The following FGF14 variants were observed in gnomAD, a reference collection of about 807,000 sequenced individuals.
The protein encoded by FGF14 is fibroblast growth factor homologous factor 4.
In FGF14, 5 loss-of-function variants were observed where a neutral mutation model predicts 25.5. The observed-to-expected ratio is 0.20, with a 90% CI of 0.10 to 0.41. The LOEUF (loss-of-function observed/expected upper bound fraction) is 0.41, where lower values mean the gene tolerates loss of function less well. FGF14 is among the 10% of genes least tolerant of loss of function. FGF14 has a pLI of 1.00. For synonymous variants in FGF14, 138 were observed against 118.3 expected (o/e 1.17, Z -1.08); for missense variants, 222 against 320.1 (o/e 0.69, Z 2.34).
chr13:101,902,630 C>T (rs954159927), intron 1 of FGF14, among the ~76,000 whole-genome samples: 40 of 152,226 alleles, frequency 2.6e-4, no homozygotes, highest in African/African-American at 7.9e-4. Flanking sequence ...TAAATGCAAG[C>T]GCCAGTAAGT....
At chr13:101,733,419 A>G (rs927643186) in intron 3 of FGF14, among the ~76,000 whole-genome samples, 1 of 152,034 alleles carries the variant, frequency 6.6e-6, no homozygotes. Context: ...ACATGGTGAA[A>G]CCCCATCTCT....
intron 1 of FGF14, among the ~76,000 whole-genome samples, chr13:102,352,432 C>T (rs2057310268): frequency 6.6e-6 from 1 of 152,036 alleles, no homozygotes; most frequent in Non-Finnish European, 1.5e-5. Flanking sequence ...ATAAATGGCT[C>T]ATAAACCTTA....
chr13:102,400,214 C>T lies in FGF14; in HGVS notation c.208+1257G>A, dbSNP rs1352386548. Among the ~76,000 whole-genome samples the T allele has an allele frequency of 6.6e-6, 1 of 152,010 alleles. No individual in the cohort carries two copies. Among genetic ancestry groups the T allele is most frequent in the Non-Finnish European group, 1.5e-5 (1 of 67,964 alleles). On this transcript the variant is annotated intron_variant, in intron 1 of 4. Coordinates refer to the FGF14 transcript ENST00000376131. This position sits in a 1 kb window ranked among gnomAD's most constrained non-coding sequence, Gnocchi z 4.3. ...CTGGGGCTCTGGGTGCCAGTGCGGC[C>T]CCCGGCAGAGCCCAGGGCGTCAGGG... is the stretch of plus-strand genomic sequence containing the variant.
At chr13:102,094,089 G>A (rs112756651) in intron 1 of FGF14, among the ~76,000 whole-genome samples, 2 of 148,252 alleles carry the variant, frequency 1.3e-5, no homozygotes, top group African/African-American at 5.0e-5. Context: ...GGAGAGGAGA[G>A]AAGACTCATG....
At chr13:102,401,796 C>T (rs1186956739), upstream of FGF14, 3 of 840,924 alleles carry the variant, frequency 3.6e-6, no homozygotes, top group African/African-American at 1.7e-5. Context: ...TATCCCCCCT[C>T]GATCACCACC....
intron 1 of FGF14, among the ~76,000 whole-genome samples, chr13:101,932,804 A>AAAAATTAT (rs1391423234): frequency 6.6e-6 from 1 of 151,676 alleles, no homozygotes; most frequent in Non-Finnish European, 1.5e-5. Flanking sequence ...GAGGACAAGA[A>AAAAATTAT]GCAGGTTCTG....
At chr13:102,038,847 T>G (rs2041598377) in intron 1 of FGF14, among the ~76,000 whole-genome samples, 1 of 152,110 alleles carries the variant, frequency 6.6e-6, no homozygotes, top group South Asian at 2.1e-4. Context: ...AGAAATAAAG[T>G]TTTTAAAGTA....
intron 1 of FGF14, among the ~76,000 whole-genome samples, chr13:101,891,264 C>T (rs542153535): frequency 6.6e-6 from 1 of 152,200 alleles, no homozygotes; most frequent in Admixed American, 6.5e-5. Flanking sequence ...TGCCTGGGCC[C>T]TCACATCACA....
At chr13:102,115,112 G>A (rs894481061) in intron 1 of FGF14, among the ~76,000 whole-genome samples, 3 of 152,122 alleles carry the variant, frequency 2.0e-5, no homozygotes, top group Admixed American at 6.5e-5. Flanking sequence ...GATTTAGAGG[G>A]CTGCTTCTTC....
chr13:101,756,400 ATTTGTAAGATAACCATTCAGTG>A (rs1239377161), intron 3 of FGF14, among the ~76,000 whole-genome samples: 1 of 152,016 alleles, frequency 6.6e-6, no homozygotes, highest in Non-Finnish European at 1.5e-5. Flanking sequence ...TGTTTTTTTT[ATTTGTAAGATAACCATTCAGTG>A]TTCTAGAAAC....
At chr13:101,913,826 T>C (rs1427726393) in intron 1 of FGF14, among the ~76,000 whole-genome samples, 1 of 152,100 alleles carries the variant, frequency 6.6e-6, no homozygotes, top group African/African-American at 2.4e-5. Context: ...CCTCCATAAT[T>C]CTTTATCCCA....
chr13:102,173,480 T>G (rs547368211), intron 1 of FGF14, among the ~76,000 whole-genome samples: 4 of 152,270 alleles, frequency 2.6e-5, no homozygotes, highest in East Asian at 3.9e-4. Flanking sequence ...CTATTGAGTA[T>G]TAATCCAGAG....
At chr13:102,256,021 A>G (rs1035296573) in intron 1 of FGF14, among the ~76,000 whole-genome samples, 2 of 152,180 alleles carry the variant, frequency 1.3e-5, no homozygotes, top group African/African-American at 4.8e-5. Flanking sequence ...AAAAAAACTC[A>G]TTGATTGGAA....
intron 1 of FGF14, among the ~76,000 whole-genome samples, chr13:102,061,739 ATACTGTCGAG>A (rs1199097691): frequency 6.6e-6 from 1 of 152,220 alleles, no homozygotes; most frequent in Non-Finnish European, 1.5e-5. Context: ...ACAGAAGGCA[ATACTGTCGAG>A]TTCTGCCTGC....
chr13:102,111,408 T>C (rs1206531508), intron 1 of FGF14, among the ~76,000 whole-genome samples: 2 of 152,218 alleles, frequency 1.3e-5, no homozygotes, highest in East Asian at 1.9e-4. Flanking sequence ...GTTGACTGTT[T>C]ACTACATATC....
At chr13:102,131,775 C>T (rs2046207341) in intron 1 of FGF14, among the ~76,000 whole-genome samples, 2 of 152,074 alleles carry the variant, frequency 1.3e-5, no homozygotes, top group Non-Finnish European at 2.9e-5. Context: ...CATCTTGTTT[C>T]GTAATTTTCT....
intron 1 of FGF14, among the ~76,000 whole-genome samples, chr13:101,959,821 C>G (rs2036732801): frequency 6.6e-6 from 1 of 152,212 alleles, no homozygotes; most frequent in African/African-American, 2.4e-5. Context: ...TCCAGTCATG[C>G]TTCATCCATC....
chr13:101,747,567 C>T (rs941390041), intron 3 of FGF14, among the ~76,000 whole-genome samples: 1 of 151,944 alleles, frequency 6.6e-6, no homozygotes, highest in African/African-American at 2.4e-5. Flanking sequence ...ACGACAAAAA[C>T]TCACCTTACT....
intron 1 of FGF14, chr13:102,002,462 G>C (rs9518611): frequency 6.4e-6 from 1 of 156,068 alleles, no homozygotes; most frequent in Non-Finnish European, 1.4e-5. Flanking sequence ...GATATGGATA[G>C]TATCAAGTTG....
Sources: allele counts gnomAD v4.1 joint callset (sites outside exome capture counted in the v4.1 genomes callset), GRCh38; gene constraint gnomAD v4.1.1; non-coding constraint Gnocchi (gnomAD v3.1); transcripts MANE v1.5; gene names NCBI Gene and HGNC (gene_info 2026-07-23, HGNC 2026-07-21).